The following FGGY variants were observed in gnomAD, a reference collection of about 807,000 sequenced individuals.
FGGY encodes FGGY carbohydrate kinase domain containing, also known as FGGY carbohydrate kinase domain-containing protein.
A neutral mutation model predicts 71.3 loss-of-function variants in FGGY; 72 were observed. The observed-to-expected ratio is 1.01, with a 90% CI of 0.84 to 1.23. The LOEUF (loss-of-function observed/expected upper bound fraction) is 1.23, where lower values mean the gene tolerates loss of function less well. Ranked by LOEUF, FGGY falls within the 50% of genes most tolerant of loss-of-function variation. FGGY has a pLI of 0.00. For missense variants in FGGY, 668 were observed against 682.3 expected (o/e 0.98, Z 0.23); for synonymous variants, 251 against 250.3 (o/e 1.00, Z -0.02).
chr1:59,299,747 G>A (rs1228796842), intron 1 of FGGY, among the ~76,000 whole-genome samples: 3 of 152,180 alleles, frequency 2.0e-5, no homozygotes, highest in Admixed American at 6.5e-5. Flanking sequence ...TTGCTGTGTC[G>A]TTCCCCTATT....
intron 14 of FGGY, among the ~76,000 whole-genome samples, chr1:59,745,723 T>A (rs1218348584): frequency 6.6e-6 from 1 of 152,230 alleles, no homozygotes; most frequent in Non-Finnish European, 1.5e-5. Context: ...TTGCAGATTC[T>A]TGTCGGTAAA....
intron 8 of FGGY, among the ~76,000 whole-genome samples, chr1:59,589,447 T>C (rs933899975): frequency 2.0e-5 from 3 of 152,142 alleles, no homozygotes; most frequent in African/African-American, 7.2e-5. Context: ...CTAATAGACA[T>C]CTACAGAACT....
intron 9 of FGGY, among the ~76,000 whole-genome samples, chr1:59,618,366 A>T (rs760100372): frequency 1.2e-4 from 18 of 152,104 alleles, no homozygotes; most frequent in Non-Finnish European, 2.4e-4. Flanking sequence ...ATAGGCTGAG[A>T]ATGTCAAGGT....
chr1:59,311,641 A>G (rs1346648997), intron 1 of FGGY, among the ~76,000 whole-genome samples: 1 of 152,086 alleles, frequency 6.6e-6, no homozygotes, highest in African/African-American at 2.4e-5. Flanking sequence ...CCAGTCTATC[A>G]TTGATAAGTA....
rs1262603877 is a variant in FGGY, at chr1:59,340,018, T to A, written c.262T>A (p.Ser88Thr). 1 of 1,613,334 alleles carries A rather than the reference T, an allele frequency of 6.2e-7. No homozygotes were observed. The highest frequency in any genetic ancestry group is 2.2e-5 in the East Asian group (1 of 44,874). The change falls in exon 3 of 16, where the codon TCT (serine) becomes ACT (threonine). Residue 88 changes from serine to threonine, a missense_variant. Ser to Thr is a moderately conservative substitution (Grantham distance 58). Transcript: ENST00000303721. The stretch of plus-strand genomic sequence containing the variant: ...AGGACTTGGGTTTGATGCCACGTGT[T>A]CTCTGGTTGTTTTGGATAAGCAGTT... ...IRGLGFDATC[S>T]LVVLDKQFHP...
intron 5 of FGGY, among the ~76,000 whole-genome samples, chr1:59,454,337 G>A (rs2091475124): frequency 6.6e-6 from 1 of 152,146 alleles, no homozygotes; most frequent in Non-Finnish European, 1.5e-5. Context: ...TGGAATTTCA[G>A]ATGTCATATG....
At chr1:59,513,599 G>T (rs1261801651) in intron 7 of FGGY, among the ~76,000 whole-genome samples, 1 of 152,202 alleles carries the variant, frequency 6.6e-6, no homozygotes, top group African/African-American at 2.4e-5. Context: ...TTGAAGAAAT[G>T]ATCATATTGC....
At chr1:59,417,181 C>G (rs1036951582) in intron 5 of FGGY, among the ~76,000 whole-genome samples, 1 of 152,232 alleles carries the variant, frequency 6.6e-6, no homozygotes, top group East Asian at 1.9e-4. Context: ...ATGGATTTTC[C>G]TGGACATTTT....
At chr1:59,502,477 G>A (rs1263931756) in intron 6 of FGGY, among the ~76,000 whole-genome samples, 2 of 152,182 alleles carry the variant, frequency 1.3e-5, no homozygotes, top group Non-Finnish European at 2.9e-5. Flanking sequence ...GTCACTGTGG[G>A]TGCCAAAGTG....
intron 6 of FGGY, among the ~76,000 whole-genome samples, chr1:59,458,546 CAT>C (rs1213699056): frequency 1.3e-5 from 2 of 152,220 alleles, no homozygotes; most frequent in Non-Finnish European, 2.9e-5. Flanking sequence ...CTGCCTCACA[CAT>C]GACACATGTT....
At chr1:59,387,791 G>T (rs1429037502) in intron 5 of FGGY, among the ~76,000 whole-genome samples, 2 of 152,096 alleles carry the variant, frequency 1.3e-5, no homozygotes, top group Admixed American at 6.5e-5. Flanking sequence ...TAAATAAATT[G>T]CAGACCTCAC....
chr1:59,336,560 G>A (rs1323413826), intron 2 of FGGY, among the ~76,000 whole-genome samples: 4 of 150,396 alleles, frequency 2.7e-5, no homozygotes, highest in African/African-American at 9.8e-5. Flanking sequence ...ATGTGCCATG[G>A]TGGTTTGTTG....
chr1:59,367,966 A>C (rs1390915545), intron 4 of FGGY, among the ~76,000 whole-genome samples: 2 of 152,150 alleles, frequency 1.3e-5, no homozygotes, highest in Non-Finnish European at 2.9e-5. Context: ...GCTTAACTCA[A>C]AGGATTGTTG....
intron 11 of FGGY, among the ~76,000 whole-genome samples, chr1:59,641,647 C>G (rs564142385): frequency 1.1e-4 from 17 of 152,180 alleles, no homozygotes; most frequent in African/African-American, 3.9e-4. Context: ...CCTGATGCAG[C>G]CTTTTTCTGC....
chr1:59,618,985 A>AT, intron 9 of FGGY, among the ~76,000 whole-genome samples: 1 of 152,018 alleles, frequency 6.6e-6, no homozygotes, highest in South Asian at 2.1e-4. Flanking sequence ...GCTTTTGCTT[A>AT]TTTTTTGTAT....
intron 6 of FGGY, among the ~76,000 whole-genome samples, chr1:59,508,776 A>C (rs72666219): frequency 0.052 from 7,850 of 152,140 alleles, 252 homozygotes; most frequent in East Asian, 0.13. Flanking sequence ...GTATATATTT[A>C]TTTTCATCCC....
At chr1:59,422,001 T>C (rs11577647) in intron 5 of FGGY, among the ~76,000 whole-genome samples, 24,409 of 152,118 alleles carry the variant, frequency 0.16, 2,432 homozygotes, top group East Asian at 0.36. Flanking sequence ...GCTTTGAGAG[T>C]GTGCTGTGAT....
intron 4 of FGGY, among the ~76,000 whole-genome samples, chr1:59,357,013 G>T (rs1419086762): frequency 6.6e-6 from 1 of 152,156 alleles, no homozygotes; most frequent in Admixed American, 6.5e-5. Context: ...CCAGGGCCCT[G>T]TATATTGGAC....
intron 14 of FGGY, among the ~76,000 whole-genome samples, chr1:59,717,996 A>C (rs1331816022): frequency 6.6e-6 from 1 of 152,192 alleles, no homozygotes; most frequent in African/African-American, 2.4e-5. Flanking sequence ...ATGGTCACAC[A>C]GCTGGTATGT....
Sources: allele counts gnomAD v4.1 joint callset (sites outside exome capture counted in the v4.1 genomes callset), GRCh38; gene constraint gnomAD v4.1.1; transcripts MANE v1.5; gene names NCBI Gene and HGNC (gene_info 2026-07-23, HGNC 2026-07-21).